The following RIC1 variants were observed in gnomAD, a reference collection of about 807,000 sequenced individuals.
The protein encoded by RIC1 is RIC1 partner of RAB6A GEF complex, also known as guanine nucleotide exchange factor subunit RIC1.
In RIC1, 88 loss-of-function variants were observed where a neutral mutation model predicts 169.0. The observed-to-expected ratio is 0.52, with a 90% CI of 0.44 to 0.62. The LOEUF (loss-of-function observed/expected upper bound fraction) is 0.62. RIC1 is among the 20% of genes least tolerant of loss of function. RIC1 has a pLI of 0.00. For synonymous variants in RIC1, 790 were observed against 601.5 expected (o/e 1.31, Z -4.59); for missense variants, 1,877 against 1,725.5 (o/e 1.09, Z -1.56).
intron 1 of RIC1, among the ~76,000 whole-genome samples, chr9:5,642,722 C>G (rs1818312247): frequency 8.4e-6 from 1 of 119,466 alleles, no homozygotes; most frequent in Non-Finnish European, 1.7e-5. Flanking sequence ...GGGCAGTCAT[C>G]TTCAGGTGTT....
intron 12 of RIC1, among the ~76,000 whole-genome samples, chr9:5,750,318 G>T (rs1825646428): frequency 1.3e-5 from 2 of 151,806 alleles, no homozygotes; most frequent in Admixed American, 1.3e-4. Flanking sequence ...ATTATCCATT[G>T]TTCTGAGGGT....
At chr9:5,698,831 C>A (rs1262934490) in intron 3 of RIC1, among the ~76,000 whole-genome samples, 1 of 152,076 alleles carries the variant, frequency 6.6e-6, no homozygotes, top group Non-Finnish European at 1.5e-5. Flanking sequence ...TATAATGTGC[C>A]TCCATTGCAT....
intron 6 of RIC1, among the ~76,000 whole-genome samples, chr9:5,727,342 T>G (rs147372864): frequency 1.3e-5 from 2 of 152,346 alleles, no homozygotes; most frequent in African/African-American, 4.8e-5. Flanking sequence ...CTACTGAAGC[T>G]TGTGCAGGCA....
Position 5,763,131 on chromosome 9 carries a change from C to A in RIC1, c.2113-9C>A. ...GAAAACAACTTGATTCTTGTCTCTC[C>A]TTCTCCAGCTGCCATTCTGTCCTCC... On this transcript the variant is annotated splice_polypyrimidine_tract_variant and intron_variant, in intron 18 of 25. Transcript: ENST00000414202. The surrounding 1 kb of genome is among the most constrained non-coding windows in gnomAD (Gnocchi z 5.2). 3 of 1,610,136 alleles carry A rather than the reference C, an allele frequency of 1.9e-6. No homozygotes were observed. The highest frequency in any genetic ancestry group is 2.5e-6 in the Non-Finnish European group (3 of 1,177,056).
chr9:5,714,133 T>C, intron 4 of RIC1, 130 bp downstream of exon 4: 1 of 540,768 alleles, frequency 1.8e-6, no homozygotes, highest in Non-Finnish European at 3.2e-6. Flanking sequence ...CTGGAAATGC[T>C]TGATTAACCC....
At chr9:5,739,121 C>G (rs1038399165) in intron 8 of RIC1, among the ~76,000 whole-genome samples, 1 of 152,082 alleles carries the variant, frequency 6.6e-6, no homozygotes, top group Non-Finnish European at 1.5e-5. Flanking sequence ...AAGGGTATAT[C>G]TTCTGGACCC....
chr9:5,777,913 T>G (rs991805772), downstream of RIC1, among the ~76,000 whole-genome samples: 3 of 152,232 alleles, frequency 2.0e-5, no homozygotes, highest in African/African-American at 7.2e-5. Flanking sequence ...AAGTTTGTTT[T>G]TTCTAGGTTG....
Position 5,695,850 on chromosome 9 carries a change from C to T in RIC1, c.332+5812C>T, listed in dbSNP as rs545340983. Among the ~76,000 whole-genome samples, 14 of 152,160 alleles carry T rather than the reference C, an allele frequency of 9.2e-5. 1 individual carries two copies. The highest frequency in any genetic ancestry group is 5.2e-4 in the Admixed American group (8 of 15,292). Reference sequence around the variant, plus strand: ...CCTCCCAAAGTGCTGGGATTTCAGGCGTGAGCCACTGCACCCGGCCTATTA... The same window carrying T: ...CCTCCCAAAGTGCTGGGATTTCAGGTGTGAGCCACTGCACCCGGCCTATTA... On this transcript the variant is annotated intron_variant, in intron 3 of 25. Transcript: ENST00000414202.
At chr9:5,721,573 G>A (rs990818114) in intron 6 of RIC1, among the ~76,000 whole-genome samples, 2 of 152,152 alleles carry the variant, frequency 1.3e-5, no homozygotes, top group African/African-American at 2.4e-5. Context: ...AACGGCAAAC[G>A]GGCAGTTATT....
chr9:5,740,465 A>G (rs1023093857), intron 8 of RIC1, among the ~76,000 whole-genome samples: 1 of 151,974 alleles, frequency 6.6e-6, no homozygotes, highest in African/African-American at 2.4e-5. Context: ...GAATAGATAC[A>G]TACATATTTA....
chr9:5,772,539 G>C, intron 23 of RIC1, 25 bp from the exon 24 acceptor site: 2 of 1,546,802 alleles, frequency 1.3e-6, no homozygotes, highest in Non-Finnish European at 1.7e-6. Flanking sequence ...GAAGTTGGTT[G>C]TAACTTTTGG....
At chr9:5,683,490 TGATCG>T (rs1820991237) in intron 2 of RIC1, among the ~76,000 whole-genome samples, 1 of 152,226 alleles carries the variant, frequency 6.6e-6, no homozygotes, top group East Asian at 1.9e-4. Flanking sequence ...TGCTGCTGCC[TGATCG>T]TTGCTCTGGA....
chr9:5,646,395 T>C (rs1818514431), intron 1 of RIC1, among the ~76,000 whole-genome samples: 1 of 152,216 alleles, frequency 6.6e-6, no homozygotes. Flanking sequence ...CTGCATTATA[T>C]GATGGTGGCC....
intron 1 of RIC1, among the ~76,000 whole-genome samples, chr9:5,631,290 C>G (rs571155169): frequency 2.6e-5 from 4 of 152,234 alleles, no homozygotes; most frequent in African/African-American, 9.6e-5. Flanking sequence ...TCCAGGGACC[C>G]CTACTATTAA....
At position 5,772,669 on chromosome 9, in the gene RIC1, C is replaced by G; in HGVS notation, c.3722C>G (p.Thr1241Ser). The stretch of plus-strand genomic sequence containing the variant: ...GAAAATTTCTCTACACTCAGTTTAA[C>G]TCAGTCAGAGCTGGAGCACATTTCC... ...VDENFSTLSL[T>S]QSELEHISME... Residue 1241 changes from threonine (T) to serine (S), a missense_variant, in exon 24 of 26, where the codon ACT becomes AGT. Thr to Ser is a moderately conservative substitution (Grantham distance 58, BLOSUM62 1). This residue lies in a region of RIC1 where 681 missense variants were observed against 582.0 expected (regional missense o/e 1.17). Coordinates refer to ENST00000414202, the MANE Select transcript of RIC1 (RefSeq NM_020829.4). The G allele has an allele frequency of 6.2e-7, 1 of 1,613,914 alleles. No individual in the cohort carries two copies.
rs1364506108 is a variant in RIC1, at chr9:5,763,573, AGTCCT to A, written c.2549_2553del (p.Ser850CysfsTer16). 6.2e-7 allele frequency: 1 copy of A among 1,614,126 alleles called. No homozygotes were observed. The highest frequency in any genetic ancestry group is 8.5e-7 in the Non-Finnish European group (1 of 1,180,012). On this transcript the variant is annotated frameshift_variant, in exon 19 of 26. Transcript: ENST00000414202. LOFTEE classifies it high-confidence loss of function. This position sits in a 1 kb window ranked among gnomAD's most constrained non-coding sequence, Gnocchi z 5.2. ...GGGGAGCAAGCCTTGCTCTTGGCCC[AGTCCT>A]GTGCCACATTACCTTACTTCCCTCA...
chr9:5,701,476 G>C (rs907861646), intron 3 of RIC1, among the ~76,000 whole-genome samples: 1 of 151,894 alleles, frequency 6.6e-6, no homozygotes, highest in Non-Finnish European at 1.5e-5. Context: ...AGCTGGTGTG[G>C]TAATCCCGGC....
In RIC1 at chr9:5,775,478, A is replaced by C. The variant is rs974445563; in HGVS notation, c.*1232A>C. The stretch of plus-strand genomic sequence containing the variant: ...TTGTTTGTACTGTGCAATTTGAACA[A>C]GGAATGCAATGTTATTTTTTACAAA... On this transcript the variant is annotated 3_prime_UTR_variant, in exon 26 of 26. Coordinates refer to ENST00000414202, the MANE Select transcript of RIC1 (RefSeq NM_020829.4). The C allele has an allele frequency of 3.9e-5, 6 of 152,190 alleles. No individual in the cohort carries two copies. The highest frequency in any genetic ancestry group is 1.4e-4 in the African/African-American group (6 of 41,444). 9.4% of individuals were successfully genotyped at this position (152,190 alleles called of 1,614,324 possible).
Position 5,753,219 on chromosome 9 carries a change from A to G in RIC1, c.1472A>G (p.Glu491Gly). The change falls in exon 13 of 26, where the codon GAG becomes GGG. Residue 491 changes from glutamate to glycine, a missense_variant. By Grantham distance (98) the Glu-to-Gly change is moderately conservative. Around this residue, in one of 3 missense-constraint regions of RIC1, gnomAD observed 1,104 missense variants for 992.0 expected, o/e 1.11. Coordinates refer to ENST00000414202, the MANE Select transcript of RIC1 (RefSeq NM_020829.4). Reference sequence around the variant, plus strand: ...CTATAGATTTCCAGCACCTATCTAGAGAGCAATTGGCCTATACGGGTGAGT... The same window carrying G: ...CTATAGATTTCCAGCACCTATCTAGGGAGCAATTGGCCTATACGGGTGAGT... ...HVVQISSTYL[E>G]SNWPIRFSAI... 6.2e-7 allele frequency: 1 copy of G among 1,613,594 alleles called. No individual in the cohort carries two copies. Among genetic ancestry groups the G allele is most frequent in the Non-Finnish European group, 8.5e-7 (1 of 1,179,572 alleles).
Sources: allele counts gnomAD v4.1 joint callset (sites outside exome capture counted in the v4.1 genomes callset), GRCh38; gene constraint gnomAD v4.1.1; regional missense constraint gnomAD v4.1.1; non-coding constraint Gnocchi (gnomAD v3.1); transcripts MANE v1.5; gene names NCBI Gene and HGNC (gene_info 2026-07-23, HGNC 2026-07-21).